Variants in LONP1 observed in about 807,000 individuals in gnomAD.
LONP1 encodes lon peptidase 1, mitochondrial.
LONP1 carries 31 observed loss-of-function variants against 98.5 expected under a neutral mutation model. The ratio of observed to expected loss-of-function variants is 0.31; its 90% CI spans 0.24 to 0.42. The LOEUF is 0.42. Among genes scored for constraint, LONP1 ranks in the 20% least tolerant of loss-of-function variants. The probability of loss-of-function intolerance (pLI) is 1.00; values close to 1 mark genes in which losing one functional copy is unlikely to be tolerated. For synonymous variants in LONP1, 781 were observed against 594.7 expected (o/e 1.31, Z -4.56); for missense variants, 1,336 against 1,350.6 (o/e 0.99, Z 0.17).
chr19:5,693,991 A>G (rs1221211524), intron 15 of LONP1, among the ~76,000 whole-genome samples: 1 of 152,162 alleles, frequency 6.6e-6, no homozygotes, highest in Non-Finnish European at 1.5e-5. Flanking sequence ...AGCAGCTGCC[A>G]GCCACAGAGG....
At chr19:5,696,932 T>C (rs2054942185) in intron 10 of LONP1, among the ~76,000 whole-genome samples, 175 bp from the exon 11 acceptor site, 1 of 152,152 alleles carries the variant, frequency 6.6e-6, no homozygotes, top group Non-Finnish European at 1.5e-5. Flanking sequence ...GCAGGCACGC[T>C]GGTCACTTGC....
At chr19:5,700,533 C>T (rs2055021378) in intron 9 of LONP1, among the ~76,000 whole-genome samples, 1 of 152,244 alleles carries the variant, frequency 6.6e-6, no homozygotes, top group Non-Finnish European at 1.5e-5. Flanking sequence ...CCTCCCGCCT[C>T]AGCCTCCTGA....
intron 5 of LONP1, chr19:5,708,075 C>T: frequency 8.2e-6 from 5 of 609,116 alleles, no homozygotes; most frequent in South Asian, 4.0e-5. Context: ...CTCACCTCAG[C>T]AGTCTGCTCC....
At chr19:5,695,978 G>A in intron 13 of LONP1, 76 bp downstream of exon 13, 2 of 1,353,310 alleles carry the variant, frequency 1.5e-6, no homozygotes, top group Non-Finnish European at 2.0e-6. Flanking sequence ...AGCTCCCAGA[G>A]GCACGGCCTC....
In LONP1 at chr19:5,699,125, C is replaced by T. The variant is rs1387757334; in HGVS notation, c.1587G>A (p.Lys529=). 6.3e-7 allele frequency: 1 copy of T among 1,579,586 alleles called. No homozygotes were observed. The highest frequency in any genetic ancestry group is 8.6e-7 in the Non-Finnish European group (1 of 1,157,590). The stretch of plus-strand genomic sequence containing the variant: ...GGGCGATGGAGCGAGCAATGCTGGT[C>T]TTACCCACGCCAGGGGGGCCATAGA... ...LCFYGPPGVG[K]TSIARSIARA... Residue 529 remains lysine, a synonymous_variant, in exon 10 of 18, where the codon AAG becomes AAA. Transcript: ENST00000360614.
At chr19:5,708,597 C>A (rs2055186228) in intron 4 of LONP1, 194 bp from the exon 5 acceptor site, 1 of 590,246 alleles carries the variant, frequency 1.7e-6, no homozygotes, top group South Asian at 2.0e-5. Flanking sequence ...CCCAGGGACA[C>A]AGGACCAAGA....
chr19:5,706,532 T>C (rs1401606332), intron 7 of LONP1, among the ~76,000 whole-genome samples: 2 of 151,934 alleles, frequency 1.3e-5, no homozygotes, highest in African/African-American at 4.8e-5. Context: ...ACTTGAGCCC[T>C]GGAGGTGGAG....
Position 5,693,440 on chromosome 19 carries a change from G to A in LONP1, c.2561C>T (p.Pro854Leu). 6.2e-7 allele frequency: 1 copy of A among 1,611,772 alleles called. No individual in the cohort carries two copies. Among genetic ancestry groups the A allele is most frequent in the Non-Finnish European group, 8.5e-7 (1 of 1,178,724 alleles). Reference protein sequence around the residue: ...VPEGATPKDGPSAGCTIVTAL... With the variant: ...VPEGATPKDGLSAGCTIVTAL... ...CGTGACGATGGTGCAGCCTGCGCTT[G>A]GGCCGTCCTTGGGGGTGGCGCCCTG... The change falls in exon 17 of 18, where the codon CCA becomes CTA. Residue 854 changes from proline to leucine, a missense_variant. This residue lies in a region of LONP1 where 555 missense variants were observed against 542.6 expected (regional missense o/e 1.02). Coordinates refer to ENST00000360614, the MANE Select transcript of LONP1 (RefSeq NM_004793.4).
chr19:5,719,932 C>A lies in LONP1; in HGVS notation c.201G>T (p.Gly67=), dbSNP rs973321437. ...RGPAIGGQWR[G]FWEASSRGGG... is the part of the protein sequence containing the mutation. ...CGCCGCGGCTGCTCGCTTCCCAAAACCCCCGCCATTGGCCCCCAATTGCCG... is the reference window on the plus strand; with the variant it reads ...CGCCGCGGCTGCTCGCTTCCCAAAAACCCCGCCATTGGCCCCCAATTGCCG... Residue 67 remains glycine, a synonymous_variant, in exon 1 of 18, where the codon GGG becomes GGT. Transcript: ENST00000360614. The A allele has an allele frequency of 6.4e-7, 1 of 1,557,308 alleles. No homozygotes were observed. The highest frequency in any genetic ancestry group is 8.7e-7 in the Non-Finnish European group (1 of 1,152,520).
intron 1 of LONP1, chr19:5,717,603 C>T (rs1470647094): frequency 6.6e-6 from 1 of 152,244 alleles, no homozygotes; most frequent in Non-Finnish European, 1.5e-5. Flanking sequence ...GAACACCATC[C>T]TGGGCCCAGA....
chr19:5,700,945 G>T lies in LONP1; in HGVS notation c.1368-18C>A, dbSNP rs2055029941. On this transcript the variant is annotated intron_variant, in intron 8 of 17. Coordinates refer to ENST00000360614, the MANE Select transcript of LONP1 (RefSeq NM_004793.4). ...GGGTGACACTGCCAGGGGACAGATGGAGAGATGCTGAGTGGAGCTCACGAG... is the reference window on the plus strand; with the variant it reads ...GGGTGACACTGCCAGGGGACAGATGTAGAGATGCTGAGTGGAGCTCACGAG... 6.2e-7 allele frequency: 1 copy of T among 1,613,842 alleles called. No individual in the cohort carries two copies. The highest frequency in any genetic ancestry group is 8.5e-7 in the Non-Finnish European group (1 of 1,179,892).
At chr19:5,700,982 T>C in intron 8 of LONP1, 55 bp from the exon 9 acceptor site, 1 of 1,605,544 alleles carries the variant, frequency 6.2e-7, no homozygotes, top group Non-Finnish European at 8.5e-7. Flanking sequence ...TGCCTGTCTC[T>C]CTGCTGGACT....
chr19:5,710,797 GGGC>G (rs965179614), intron 4 of LONP1, among the ~76,000 whole-genome samples: 1 of 152,096 alleles, frequency 6.6e-6, no homozygotes, highest in African/African-American at 2.4e-5. Flanking sequence ...AGGCTGAGGT[GGGC>G]GGATCACCCG....
intron 4 of LONP1, 43 bp downstream of exon 4, chr19:5,711,728 G>T (rs751240567): frequency 7.2e-6 from 11 of 1,529,884 alleles, no homozygotes; most frequent in East Asian, 2.3e-5. Flanking sequence ...GGGAGCCCGT[G>T]GGGGAGGCAG....
intron 3 of LONP1, chr19:5,712,556 G>C (rs529690699): frequency 9.3e-5 from 17 of 183,230 alleles, no homozygotes; most frequent in African/African-American, 4.0e-4. Context: ...GAGTGCAGTG[G>C]TGTGATCATA....
chr19:5,707,712 G>A lies in LONP1; in HGVS notation c.1047C>T (p.Val349=), dbSNP rs925201252. The change falls in exon 6 of 18, where the codon GTC becomes GTT. Residue 349 remains valine, a synonymous_variant. Coordinates refer to ENST00000360614, the MANE Select transcript of LONP1 (RefSeq NM_004793.4). ...TGAESHELQD[V]LEETNIPKRL... is the part of the protein sequence containing the mutation. Reference sequence around the variant, plus strand: ...GAGCACTCACATTGGTCTCTTCCAGGACGTCCTGCAGCTCATGGGACTCGG... The same window carrying A: ...GAGCACTCACATTGGTCTCTTCCAGAACGTCCTGCAGCTCATGGGACTCGG... 2.5e-6 allele frequency: 4 copies of A among 1,612,558 alleles called. No homozygotes were observed. In the African/African-American group the frequency reaches 5.3e-5, roughly 22 times the overall value.
chr19:5,699,628 T>C (rs1279347819), intron 9 of LONP1, among the ~76,000 whole-genome samples: 1 of 146,428 alleles, frequency 6.8e-6, no homozygotes, highest in Admixed American at 7.0e-5. Flanking sequence ...TGCGATCTCA[T>C]CTCACTGCAA....
chr19:5,719,761 C>A lies in LONP1; in HGVS notation c.372G>T (p.Leu124=). ...PMTIPDVFPH[L]PLIAITRNPV... is the part of the protein sequence containing the mutation. ...GGTTGCGGGTGATGGCGATGAGCGGCAGGTGCGGAAACACATCGGGGATCG... is the reference window on the plus strand; with the variant it reads ...GGTTGCGGGTGATGGCGATGAGCGGAAGGTGCGGAAACACATCGGGGATCG... Residue 124 remains leucine, a synonymous_variant, in exon 1 of 18, where the codon CTG becomes CTT. Coordinates refer to ENST00000360614, the MANE Select transcript of LONP1 (RefSeq NM_004793.4). 1 of 1,613,688 alleles carries A rather than the reference C, an allele frequency of 6.2e-7. No homozygotes were observed. The highest frequency in any genetic ancestry group is 8.5e-7 in the Non-Finnish European group (1 of 1,180,008).
intron 4 of LONP1, among the ~76,000 whole-genome samples, chr19:5,711,470 C>T (rs1007191215): frequency 3.3e-5 from 5 of 152,190 alleles, no homozygotes; most frequent in South Asian, 2.1e-4. Context: ...TCTTGGTAAC[C>T]GCTGGAGGCT....
Sources: allele counts gnomAD v4.1 joint callset (sites outside exome capture counted in the v4.1 genomes callset), GRCh38; gene constraint gnomAD v4.1.1; regional missense constraint gnomAD v4.1.1; transcripts MANE v1.5; gene names NCBI Gene and HGNC (gene_info 2026-07-23, HGNC 2026-07-21).